The following SAMD4A variants were observed in gnomAD, a reference collection of about 807,000 sequenced individuals.
SAMD4A encodes protein Smaug homolog 1.
SAMD4A carries 33 observed loss-of-function variants against 81.3 expected under a neutral mutation model. The ratio of observed to expected loss-of-function variants is 0.41; its 90% confidence interval spans 0.31 to 0.54. The LOEUF is 0.54. Ranked by LOEUF, SAMD4A falls within the 20% of genes least tolerant of loss-of-function variation. The pLI, the probability that SAMD4A is intolerant of heterozygous loss-of-function variation, is 0.37. For synonymous variants in SAMD4A, 389 were observed against 382.1 expected, an observed-to-expected ratio of 1.02 and a Z score of -0.21; for missense variants, 854 against 951.1, an observed-to-expected ratio of 0.90 and a Z score of 1.34.
chr14:54,608,677 A>AT (rs2034280086), intron 2 of SAMD4A, among the ~76,000 whole-genome samples: 1 of 152,228 alleles, frequency 6.6e-6, no homozygotes, highest in Non-Finnish European at 1.5e-5. Flanking sequence ...TGGATTTTGC[A>AT]TTTACACTAG....
chr14:54,582,262 T>A (rs771163208), intron 2 of SAMD4A, among the ~76,000 whole-genome samples: 2 of 152,196 alleles, frequency 1.3e-5, no homozygotes, highest in African/African-American at 4.8e-5. Flanking sequence ...TTTTTAATTT[T>A]ATTTTTTATT....
chr14:54,650,477 A>G (rs1053564702), intron 2 of SAMD4A, among the ~76,000 whole-genome samples: 2 of 152,196 alleles, frequency 1.3e-5, no homozygotes, highest in Non-Finnish European at 2.9e-5. Context: ...TCATCTTGTT[A>G]TAGCAGCTCC....
chr14:54,764,170 C>T (rs907289838), intron 7 of SAMD4A, among the ~76,000 whole-genome samples: 2 of 152,254 alleles, frequency 1.3e-5, no homozygotes, highest in Non-Finnish European at 2.9e-5. Flanking sequence ...CCACTATTCA[C>T]TGCTGTGTTC....
rs1332359499 is a variant in SAMD4A at position 54,623,483 on chromosome 14, C to A, written c.196+55371C>A. Among the ~76,000 whole-genome samples, 17 of 45,964 alleles carry A rather than the reference C, an allele frequency of 3.7e-4. No individual in the cohort carries two copies. The East Asian group carries it at 6.6e-3, about 18-fold the overall frequency. The allele number at this position is 45,964 out of a possible 152,430, so 30.2% of individuals were successfully genotyped here. ...TGTTAATAAATAACTTGGACATCAG[C>A]AAAAAAAAAAAAAAAAAAAAAAAAA... On this transcript the variant is annotated intron_variant, in intron 2 of 12. Coordinates refer to ENST00000554335, the MANE Select transcript of SAMD4A (RefSeq NM_015589.6).
chr14:54,735,240 C>T (rs1370659288), intron 3 of SAMD4A: 1 of 151,816 alleles, frequency 6.6e-6, no homozygotes, highest in Non-Finnish European at 1.5e-5. Context: ...CTGCTTTCCC[C>T]CCACTTTTCC....
chr14:54,727,444 C>T (rs2037453437), intron 3 of SAMD4A, among the ~76,000 whole-genome samples: 1 of 152,056 alleles, frequency 6.6e-6, no homozygotes, highest in African/African-American at 2.4e-5. Context: ...CCGCCTCGGC[C>T]TCCCAAAGTG....
chr14:54,760,558 TG>T, intron 7 of SAMD4A, 64 bp downstream of exon 7: 2 of 1,361,682 alleles, frequency 1.5e-6, no homozygotes, highest in South Asian at 1.9e-5. Context: ...GACAGGCTCC[TG>T]GGGGCTTCCC....
intron 2 of SAMD4A, chr14:54,668,863 G>GT (rs1329372334): frequency 6.6e-6 from 1 of 152,244 alleles, no homozygotes. Flanking sequence ...ACACAGTTGG[G>GT]TGTGAAGCCA....
chr14:54,767,674 C>T (rs2038588249), intron 8 of SAMD4A, among the ~76,000 whole-genome samples: 1 of 152,230 alleles, frequency 6.6e-6, no homozygotes, highest in Non-Finnish European at 1.5e-5. Context: ...GAAGCCTTCC[C>T]TTCCCCTCCA....
intron 2 of SAMD4A, among the ~76,000 whole-genome samples, chr14:54,595,244 A>AT (rs2033880868): frequency 6.6e-6 from 1 of 151,966 alleles, no homozygotes; most frequent in Non-Finnish European, 1.5e-5. Context: ...AATCTCAGTG[A>AT]TTTTCTTCTC....
At chr14:54,654,124 G>A (rs1332102332) in intron 2 of SAMD4A, among the ~76,000 whole-genome samples, 7 of 152,144 alleles carry the variant, frequency 4.6e-5, no homozygotes, top group Non-Finnish European at 8.8e-5. Flanking sequence ...TTCAGTTGAC[G>A]TATTCATTCC....
chr14:54,729,853 A>G (rs1022796451), intron 3 of SAMD4A, among the ~76,000 whole-genome samples: 3 of 152,216 alleles, frequency 2.0e-5, no homozygotes, highest in Non-Finnish European at 4.4e-5. Flanking sequence ...ATTTGAAGCT[A>G]AGTGTGGATG....
At chr14:54,568,183 CG>C in intron 2 of SAMD4A, 71 bp downstream of exon 2, 2 of 1,346,144 alleles carry the variant, frequency 1.5e-6, no homozygotes, top group African/African-American at 1.6e-5. Flanking sequence ...TTCTCTGCCT[CG>C]GGCCAGGCCG....
chr14:54,763,523 T>G (rs2038459340), intron 7 of SAMD4A, among the ~76,000 whole-genome samples: 1 of 152,170 alleles, frequency 6.6e-6, no homozygotes, highest in African/African-American at 2.4e-5. Context: ...CAAGGTTTTG[T>G]TATGACAAAC....
chr14:54,780,163 G>A (rs752000512), intron 11 of SAMD4A, among the ~76,000 whole-genome samples: 1 of 152,080 alleles, frequency 6.6e-6, no homozygotes, highest in Non-Finnish European at 1.5e-5. Flanking sequence ...CCTTCAGAAG[G>A]GTAGGCTGCA....
chr14:54,637,417 A>C (rs1238614124), intron 2 of SAMD4A, among the ~76,000 whole-genome samples: 1 of 151,074 alleles, frequency 6.6e-6, no homozygotes, highest in Non-Finnish European at 1.5e-5. Flanking sequence ...GAATTAGCAG[A>C]AGAGATGAGA....
At chr14:54,657,771 A>C (rs2035553248) in intron 2 of SAMD4A, among the ~76,000 whole-genome samples, 2 of 152,200 alleles carry the variant, frequency 1.3e-5, no homozygotes, top group South Asian at 4.1e-4. Context: ...ATGAAGAGCC[A>C]CTCACCCTTC....
At chr14:54,727,455 C>A (rs1340562199) in intron 3 of SAMD4A, among the ~76,000 whole-genome samples, 1 of 152,088 alleles carries the variant, frequency 6.6e-6, no homozygotes, top group Admixed American at 6.6e-5. Flanking sequence ...TCCCAAAGTG[C>A]TGGGATTACA....
At chr14:54,677,015 C>G (rs1402652821) in intron 2 of SAMD4A, among the ~76,000 whole-genome samples, 1 of 152,214 alleles carries the variant, frequency 6.6e-6, no homozygotes, top group African/African-American at 2.4e-5. Flanking sequence ...CATGCTCTGC[C>G]TGAATTCTGG....
Sources: gnomAD v4.1 joint callset for allele counts (sites outside exome capture counted in the v4.1 genomes callset) on GRCh38, gnomAD v4.1.1 for gene constraint, MANE v1.5 for transcripts, NCBI Gene and HGNC (gene_info 2026-07-23, HGNC 2026-07-21) for gene names.